GPR35: variants seen among roughly 807,000 people sequenced by gnomAD.
GPR35 encodes G protein-coupled receptor 35.
For synonymous variants in GPR35, 207 were observed against 198.4 expected, an observed-to-expected ratio of 1.04 and a Z score of -0.36; for missense variants, 372 against 422.5, an observed-to-expected ratio of 0.88 and a Z score of 1.05.
intron 2 of GPR35, among the ~76,000 whole-genome samples, chr2:240,613,485 C>G (rs2043206274): frequency 1.3e-5 from 2 of 152,032 alleles, no homozygotes; most frequent in Admixed American, 1.3e-4. Context: ...AAACCTAAAC[C>G]TCGTGTGGCC....
At chr2:240,623,493 G>GTGAGGGTGCAAACAGGTCA (rs2043331213), upstream of GPR35, among the ~76,000 whole-genome samples, 1 of 137,032 alleles carries the variant, frequency 7.3e-6, no homozygotes, top group Non-Finnish European at 1.6e-5. Flanking sequence ...CAAACAGGTC[G>GTGAGGGTGCAAACAGGTCA]TGAGGGTGCA....
At chr2:240,610,864 G>T (rs576634785) in intron 2 of GPR35, among the ~76,000 whole-genome samples, 7 of 151,262 alleles carry the variant, frequency 4.6e-5, no homozygotes, top group African/African-American at 1.7e-4. Context: ...TTGATCTCCT[G>T]ACCTCGTGAT....
chr2:240,606,399 C>T, exon 2 of GPR35: 1 of 152,318 alleles, frequency 6.6e-6, no homozygotes, highest in East Asian at 1.9e-4. Context: ...GACATGGGCT[C>T]ATTGCTCCTT....
upstream of GPR35, among the ~76,000 whole-genome samples, chr2:240,623,433 G>A (rs867338021): frequency 2.5e-4 from 19 of 74,540 alleles, no homozygotes; most frequent in Middle Eastern, 8.6e-3. Context: ...GCGCAAACAG[G>A]TCGTGAGGGC....
At chr2:240,606,459 A>G (rs1338839177) in exon 2 of GPR35, 2 of 152,266 alleles carry the variant, frequency 1.3e-5, no homozygotes, top group Admixed American at 6.5e-5. Context: ...ACTTTCCACC[A>G]TCTTGCTGCC....
rs1276517066 is a variant in GPR35 at position 240,633,089 on chromosome 2, T to C, written c.*2207T>C. 6.6e-6 allele frequency among the ~76,000 whole-genome samples: 1 copy of C among 152,194 alleles called. No individual in the cohort carries two copies. The highest frequency in any genetic ancestry group is 2.4e-5 in the African/African-American group (1 of 41,446). On this transcript the variant is annotated 3_prime_UTR_variant, in exon 2 of 2. Coordinates refer to ENST00000407714, the MANE Select transcript of GPR35 (RefSeq NM_005301.5). ...GCTTCCCCTTCACCTTCTGCCATGA[T>C]TGTAAGTTTCCTGAGGCCTCCCTAG...
intron 4 of GPR35, among the ~76,000 whole-genome samples, chr2:240,617,984 T>C (rs1670691581): frequency 6.6e-6 from 1 of 152,212 alleles, no homozygotes; most frequent in South Asian, 2.1e-4. Context: ...AAATGGTACT[T>C]AGAGACCACA....
chr2:240,623,934 G>T (rs78818937), upstream of GPR35, among the ~76,000 whole-genome samples: 6,442 of 151,786 alleles, frequency 0.042, 570 homozygotes, highest in East Asian at 0.22. Flanking sequence ...TGGGGACGGG[G>T]TGCCCCAGGC....
At position 240,616,592 on chromosome 2, in the gene GPR35, T is replaced by A. The variant is rs2043239866; in HGVS notation, c.-453+81T>A. ...CCAGGGGGCTCATGATATCTGGTGG[T>A]CTCTTTGTGAGGCCAGCAGCCACCA... On this transcript the variant is annotated intron_variant, in intron 3 of 5. Coordinates refer to the GPR35 transcript ENST00000319838. 4.2e-6 allele frequency: 3 copies of A among 718,764 alleles called. No individual in the cohort carries two copies. In the Admixed American group the frequency reaches 5.6e-5, roughly 13 times the overall value. The allele number at this position is 718,764 out of a possible 1,614,324, so 44.5% of individuals were successfully genotyped here.
At chr2:240,608,163 A>T (rs1185107971) in intron 2 of GPR35, among the ~76,000 whole-genome samples, 1 of 152,178 alleles carries the variant, frequency 6.6e-6, no homozygotes, top group East Asian at 1.9e-4. Flanking sequence ...ACATGTTGGG[A>T]TTACAGGCCT....
exon 3 of GPR35, chr2:240,616,427 A>C (rs757168093): frequency 1.3e-6 from 1 of 780,426 alleles, no homozygotes; most frequent in Admixed American, 1.7e-5. Flanking sequence ...CTGGACTTGC[A>C]AAGTCCAGCC....
At chr2:240,626,352 GTGACGGGGTCTCAGAGTGGGGTGAGGCTC>G (rs2043377615) in intron 1 of GPR35, among the ~76,000 whole-genome samples, 1 of 77,750 alleles carries the variant, frequency 1.3e-5, no homozygotes, top group Non-Finnish European at 3.1e-5. Flanking sequence ...GGGTGAGGCT[GTGACGGGGTCTCAGAGTGGGGTGAGGCTC>G]TGATGGGGTC....
intron 2 of GPR35, among the ~76,000 whole-genome samples, chr2:240,608,005 C>T (rs915606669): frequency 5.3e-5 from 8 of 152,180 alleles, no homozygotes; most frequent in Non-Finnish European, 1.0e-4. Flanking sequence ...GATCCTCCCA[C>T]CTCAGCTTCC....
At chr2:240,612,199 G>C (rs1236035069) in intron 2 of GPR35, among the ~76,000 whole-genome samples, 1 of 151,972 alleles carries the variant, frequency 6.6e-6, no homozygotes, top group African/African-American at 2.4e-5. Flanking sequence ...GGGAGGCCGA[G>C]GCGGGCGGAT....
intron 3 of GPR35, chr2:240,617,046 A>G: frequency 1.4e-6 from 1 of 732,394 alleles, no homozygotes; most frequent in South Asian, 1.4e-5. Context: ...CCCAGCTGAC[A>G]CCTGGATTGC....
exon 3 of GPR35, chr2:240,616,439 G>A (rs1373294322): frequency 1.3e-6 from 1 of 780,656 alleles, no homozygotes; most frequent in South Asian, 1.3e-5. Context: ...AGTCCAGCCT[G>A]TATGGCTGGA....
At chr2:240,620,923 TG>T (rs2043286312), upstream of GPR35, among the ~76,000 whole-genome samples, 1 of 152,228 alleles carries the variant, frequency 6.6e-6, no homozygotes, top group South Asian at 2.1e-4. Flanking sequence ...CCCTGTGTCC[TG>T]GTCCCCAGCC....
intron 2 of GPR35, among the ~76,000 whole-genome samples, chr2:240,614,914 A>G (rs2043224132): frequency 6.6e-6 from 1 of 152,068 alleles, no homozygotes; most frequent in Non-Finnish European, 1.5e-5. Flanking sequence ...ATATGTGTGC[A>G]TATATATGCA....
intron 5 of GPR35, among the ~76,000 whole-genome samples, chr2:240,620,228 C>CG (rs2043278181): frequency 6.6e-6 from 1 of 152,122 alleles, no homozygotes; most frequent in Non-Finnish European, 1.5e-5. Context: ...AGTGAGCTGG[C>CG]GGGGGTGGCC....
Sources: allele counts gnomAD v4.1 joint callset (sites outside exome capture counted in the v4.1 genomes callset), GRCh38; gene constraint gnomAD v4.1.1; transcripts MANE v1.5; gene names NCBI Gene and HGNC (gene_info 2026-07-23, HGNC 2026-07-21).